COBLL1: variants seen among roughly 807,000 people sequenced by gnomAD.
COBLL1 encodes cordon-bleu WH2 repeat protein like 1, also known as cordon-bleu protein-like 1.
Under a neutral mutation model 94.8 loss-of-function variants are expected in COBLL1, and 50 were observed. The ratio of observed to expected loss-of-function variants is 0.53; its 90% confidence interval spans 0.42 to 0.67. COBLL1 has a LOEUF of 0.67. Among genes scored for constraint, COBLL1 ranks in the 30% least tolerant of loss-of-function variants. COBLL1 has a pLI of 0.00. For missense variants in COBLL1, 1,362 were observed against 1,348.7 expected (o/e 1.01, Z -0.15); for synonymous variants, 448 against 473.8 (o/e 0.95, Z 0.71).
intron 2 of COBLL1, among the ~76,000 whole-genome samples, chr2:164,824,329 G>A (rs182185069): frequency 1.3e-4 from 19 of 151,470 alleles, no homozygotes; most frequent in South Asian, 4.2e-4. Flanking sequence ...TGCAGTAAGC[G>A]GAGATCTCAC....
At chr2:164,769,021 A>C (rs1456391050) in intron 2 of COBLL1, among the ~76,000 whole-genome samples, 1 of 152,178 alleles carries the variant, frequency 6.6e-6, no homozygotes, top group East Asian at 1.9e-4. Flanking sequence ...CAGGCACCTT[A>C]ACTCTCTGGT....
At chr2:164,828,121 G>A (rs908644233) in intron 2 of COBLL1, among the ~76,000 whole-genome samples, 3 of 152,020 alleles carry the variant, frequency 2.0e-5, no homozygotes, top group African/African-American at 4.8e-5. Context: ...TTAATTACTC[G>A]GTTCAATACT....
At chr2:164,787,128 C>T (rs1285280881) in intron 2 of COBLL1, among the ~76,000 whole-genome samples, 2 of 152,148 alleles carry the variant, frequency 1.3e-5, no homozygotes, top group African/African-American at 4.8e-5. Flanking sequence ...AATTGGACAT[C>T]TGGCTAATGG....
chr2:164,760,968 C>T (rs1181045212), intron 2 of COBLL1, among the ~76,000 whole-genome samples: 2 of 152,000 alleles, frequency 1.3e-5, no homozygotes, highest in Non-Finnish European at 2.9e-5. Flanking sequence ...AATGATGATC[C>T]CCATCAATAA....
chr2:164,690,959 C>T lies in COBLL1; in HGVS notation c.3300+1262G>A, dbSNP rs116210334. ...TCTAAAAATATAAATTTGTCATGAC[C>T]GATGAAAAACCAATTTCAATATTAA... is the stretch of plus-strand genomic sequence containing the variant. On this transcript the variant is annotated intron_variant, in intron 13 of 13. Coordinates refer to ENST00000652658, the MANE Select transcript of COBLL1 (RefSeq NM_001365672.2). Among the ~76,000 whole-genome samples, 398 of 152,130 alleles carry T rather than the reference C, an allele frequency of 2.6e-3. 3 individuals are homozygous for T. Among genetic ancestry groups the T allele is most frequent in the African/African-American group, 9.1e-3 (379 of 41,512 alleles).
At chr2:164,786,079 TA>T (rs1688942229) in intron 2 of COBLL1, among the ~76,000 whole-genome samples, 1 of 152,202 alleles carries the variant, frequency 6.6e-6, no homozygotes. Flanking sequence ...ATGTATTATA[TA>T]AAACTAATTC....
intron 2 of COBLL1, among the ~76,000 whole-genome samples, chr2:164,828,238 AACTG>A (rs1685526902): frequency 6.6e-6 from 1 of 152,304 alleles, no homozygotes; most frequent in African/African-American, 2.4e-5. Flanking sequence ...CCTATCCAAT[AACTG>A]ATCATTGTTT....
At chr2:164,826,885 G>T (rs1295761387) in intron 2 of COBLL1, among the ~76,000 whole-genome samples, 1 of 113,978 alleles carries the variant, frequency 8.8e-6, no homozygotes, top group Non-Finnish European at 1.7e-5. Flanking sequence ...AAAGTTTTTT[G>T]TCTTTGTTTC....
At chr2:164,717,806 C>T (rs1426781111) in intron 7 of COBLL1, among the ~76,000 whole-genome samples, 1 of 152,148 alleles carries the variant, frequency 6.6e-6, no homozygotes, top group Non-Finnish European at 1.5e-5. Context: ...TTTAAGTGAT[C>T]CTCCTACCTC....
intron 2 of COBLL1, among the ~76,000 whole-genome samples, chr2:164,785,667 G>A (rs192292391): frequency 1.3e-5 from 2 of 152,158 alleles, no homozygotes; most frequent in Middle Eastern, 3.4e-3. Context: ...ATGTAGCTGA[G>A]TACTTGCTAT....
At chr2:164,677,658 C>A (rs896060257), downstream of COBLL1, among the ~76,000 whole-genome samples, 7 of 152,146 alleles carry the variant, frequency 4.6e-5, no homozygotes, top group Admixed American at 3.3e-4. Context: ...AGAACCTTGA[C>A]CTGACTCTCT....
At chr2:164,841,962 C>T, upstream of COBLL1, 2 of 1,538,470 alleles carry the variant, frequency 1.3e-6, no homozygotes, top group Non-Finnish European at 8.7e-7. This position sits in a 1 kb window ranked among gnomAD's most constrained non-coding sequence, Gnocchi z 5.5. Context: ...CTCACCCTGC[C>T]CCATTTCCCT....
intron 2 of COBLL1, among the ~76,000 whole-genome samples, chr2:164,765,769 A>G (rs970100396): frequency 2.0e-5 from 3 of 152,198 alleles, no homozygotes; most frequent in Admixed American, 1.3e-4. Context: ...AGAAATTACT[A>G]AAGCTAATCA....
intron 2 of COBLL1, among the ~76,000 whole-genome samples, chr2:164,818,038 A>T (rs1684864947): frequency 1.3e-5 from 2 of 151,922 alleles, no homozygotes; most frequent in Non-Finnish European, 2.9e-5. Flanking sequence ...CTAAATGAAG[A>T]TATCAATCCT....
At chr2:164,676,917 T>C (rs1462698957), downstream of COBLL1, among the ~76,000 whole-genome samples, 1 of 152,180 alleles carries the variant, frequency 6.6e-6, no homozygotes, top group Non-Finnish European at 1.5e-5. Context: ...ATTTATTTTA[T>C]TCAACCAATT....
intron 2 of COBLL1, among the ~76,000 whole-genome samples, chr2:164,780,861 C>A (rs930432863): frequency 6.6e-6 from 1 of 152,158 alleles, no homozygotes; most frequent in Non-Finnish European, 1.5e-5. Flanking sequence ...CTTGTGAGGT[C>A]TCTGGGCAAG....
intron 2 of COBLL1, among the ~76,000 whole-genome samples, chr2:164,831,010 T>A (rs1683052215): frequency 6.6e-6 from 1 of 152,176 alleles, no homozygotes; most frequent in East Asian, 1.9e-4. Context: ...TATCATAGGA[T>A]CACAAGCATT....
At chr2:164,800,635 C>A in intron 2 of COBLL1, 3 of 685,826 alleles carry the variant, frequency 4.4e-6, no homozygotes, top group South Asian at 3.1e-5. Context: ...ATAATGAACC[C>A]AAACTGGAAA....
chr2:164,801,131 C>T (rs1683758409), intron 2 of COBLL1, among the ~76,000 whole-genome samples: 1 of 152,036 alleles, frequency 6.6e-6, no homozygotes, highest in Non-Finnish European at 1.5e-5. Flanking sequence ...GATCTCATCA[C>T]TCCAAAAAAT....
Sources: gnomAD v4.1 joint callset for allele counts (sites outside exome capture counted in the v4.1 genomes callset) on GRCh38, gnomAD v4.1.1 for gene constraint, Gnocchi (gnomAD v3.1) non-coding constraint, MANE v1.5 for transcripts, NCBI Gene and HGNC (gene_info 2026-07-23, HGNC 2026-07-21) for gene names.